The following YAF2 variants were observed in gnomAD, a reference collection of about 807,000 sequenced individuals.
YAF2 encodes the protein YY1 associated factor 2.
A neutral mutation model predicts 20.1 loss-of-function variants in YAF2; 7 were observed. The ratio of observed to expected loss-of-function variants is 0.35; its 90% CI spans 0.20 to 0.65. YAF2 has a LOEUF of 0.65. Among genes scored for constraint, YAF2 ranks in the 30% least tolerant of loss-of-function variants. The pLI, the probability that YAF2 is intolerant of heterozygous loss-of-function variation, is 0.69. For synonymous variants in YAF2, 74 were observed against 76.0 expected (o/e 0.97, Z 0.14); for missense variants, 151 against 219.2 (o/e 0.69, Z 1.96).
chr12:42,210,704 C>A (rs1248334126), intron 2 of YAF2: 2 of 1,524,812 alleles, frequency 1.3e-6, no homozygotes, highest in Non-Finnish European at 8.8e-7. Flanking sequence ...AAGATTATTT[C>A]ATTTTATTTG....
chr12:42,213,675 A>G (rs1191711526), intron 2 of YAF2, among the ~76,000 whole-genome samples: 1 of 152,232 alleles, frequency 6.6e-6, no homozygotes, highest in Non-Finnish European at 1.5e-5. Flanking sequence ...CAACATGTTC[A>G]TGCAAATCAT....
intron 2 of YAF2, among the ~76,000 whole-genome samples, chr12:42,165,816 C>G (rs565708209): frequency 7.2e-6 from 1 of 138,130 alleles, no homozygotes; most frequent in Non-Finnish European, 1.5e-5. Flanking sequence ...AACTCCTCAT[C>G]AACTGTCATG....
At chr12:42,199,417 T>C in intron 2 of YAF2, 2 of 264,066 alleles carry the variant, frequency 7.6e-6, no homozygotes, top group Admixed American at 5.2e-5. Context: ...AACTTTATCC[T>C]TTCTCAGTAA....
At chr12:42,187,138 A>G (rs1473657997) in intron 2 of YAF2, among the ~76,000 whole-genome samples, 2 of 151,674 alleles carry the variant, frequency 1.3e-5, no homozygotes, top group Non-Finnish European at 2.9e-5. Context: ...TTATATTTTT[A>G]TTTATTTATT....
intron 2 of YAF2, among the ~76,000 whole-genome samples, chr12:42,227,060 AGCCGCC>A (rs1185489464): frequency 2.1e-5 from 3 of 145,606 alleles, no homozygotes; most frequent in African/African-American, 7.6e-5. Flanking sequence ...GACCGACCGC[AGCCGCC>A]GCCGCCCGAC....
chr12:42,227,280 G>A (rs1281875966), intron 2 of YAF2, among the ~76,000 whole-genome samples: 1 of 91,412 alleles, frequency 1.1e-5, no homozygotes, highest in African/African-American at 6.8e-5. Context: ...GAAGTGAGGA[G>A]TGTCTCTGCC....
chr12:42,215,115 A>G (rs1305153162), intron 2 of YAF2, among the ~76,000 whole-genome samples: 1 of 152,240 alleles, frequency 6.6e-6, no homozygotes, highest in Non-Finnish European at 1.5e-5. Context: ...ATACCATTTT[A>G]ATGTTTAATG....
intron 2 of YAF2, among the ~76,000 whole-genome samples, chr12:42,236,323 A>G (rs1335830946): frequency 6.6e-6 from 1 of 152,216 alleles, no homozygotes; most frequent in African/African-American, 2.4e-5. Flanking sequence ...ATTTTAGCAA[A>G]TACTTTTTTT....
chr12:42,221,125 A>C (rs2067498457), intron 2 of YAF2, among the ~76,000 whole-genome samples: 1 of 152,200 alleles, frequency 6.6e-6, no homozygotes, highest in Non-Finnish European at 1.5e-5. Context: ...TTTAGTTCTT[A>C]AGTTCTCATA....
chr12:42,179,836 T>C (rs2066297253), intron 2 of YAF2, among the ~76,000 whole-genome samples: 1 of 151,032 alleles, frequency 6.6e-6, no homozygotes, highest in Non-Finnish European at 1.5e-5. Context: ...AAAGATGTTA[T>C]TTGATTTAGA....
At chr12:42,179,789 CA>C (rs71084622) in intron 2 of YAF2, among the ~76,000 whole-genome samples, 10,838 of 85,234 alleles carry the variant, frequency 0.13, 600 homozygotes, top group African/African-American at 0.3. Flanking sequence ...GTCTAAAAGG[CA>C]AAAAAAAAAA....
chr12:42,182,075 C>T (rs1262535103), intron 2 of YAF2, among the ~76,000 whole-genome samples: 1 of 151,938 alleles, frequency 6.6e-6, no homozygotes, highest in Admixed American at 6.6e-5. Context: ...TTTTATAAAA[C>T]AAGGGCAAAA....
chr12:42,196,084 T>A (rs1181574948), intron 2 of YAF2, among the ~76,000 whole-genome samples: 3 of 151,530 alleles, frequency 2.0e-5, no homozygotes, highest in Non-Finnish European at 4.4e-5. Context: ...TAGCAGGGTG[T>A]GGTGGCACAT....
chr12:42,231,752 G>C (rs534715942), intron 2 of YAF2: 1 of 152,148 alleles, frequency 6.6e-6, no homozygotes, highest in South Asian at 2.1e-4. Flanking sequence ...AATCTTCTCA[G>C]AAAAGTCTTT....
At chr12:42,228,475 G>T (rs1244223021) in intron 2 of YAF2, among the ~76,000 whole-genome samples, 4 of 15,344 alleles carry the variant, frequency 2.6e-4, no homozygotes, top group Non-Finnish European at 4.2e-4. Context: ...GGAGGGAGGT[G>T]GGGGGGGGGG....
chr12:42,180,025 A>G (rs1458292890), intron 2 of YAF2, among the ~76,000 whole-genome samples: 1 of 152,130 alleles, frequency 6.6e-6, no homozygotes, highest in Non-Finnish European at 1.5e-5. Context: ...ACTAGTACAA[A>G]GTATTTTTCC....
chr12:42,221,606 C>T (rs1474794156), intron 2 of YAF2, among the ~76,000 whole-genome samples: 2 of 152,112 alleles, frequency 1.3e-5, no homozygotes, highest in Admixed American at 6.6e-5. Flanking sequence ...ATTTCTAAAT[C>T]TCACACTGAT....
At chr12:42,185,314 G>A (rs1261011779) in intron 2 of YAF2, among the ~76,000 whole-genome samples, 1 of 152,138 alleles carries the variant, frequency 6.6e-6, no homozygotes, top group Non-Finnish European at 1.5e-5. Context: ...CACACAAAGT[G>A]GTTTCTTGAT....
chr12:42,228,571 C>T (rs1168636399), intron 2 of YAF2, among the ~76,000 whole-genome samples: 6 of 66,630 alleles, frequency 9.0e-5, no homozygotes, highest in Non-Finnish European at 1.1e-4. Flanking sequence ...GTGAGGAGCC[C>T]CTCTGCCCGG....
Sources: allele counts gnomAD v4.1 joint callset (sites outside exome capture counted in the v4.1 genomes callset), GRCh38; gene constraint gnomAD v4.1.1; transcripts MANE v1.5; gene names NCBI Gene and HGNC (gene_info 2026-07-23, HGNC 2026-07-21).